The following TCF12 variants were observed in gnomAD, a reference collection of about 807,000 sequenced individuals.
TCF12 encodes the protein transcription factor 12, also known as DNA-binding protein HTF4.
In TCF12, 45 loss-of-function variants were observed where a neutral mutation model predicts 86.0. That is an observed-to-expected ratio of 0.52 (90% CI 0.41 to 0.67). TCF12 has a LOEUF of 0.67. TCF12 is among the 30% of genes least tolerant of loss of function. The probability of loss-of-function intolerance (pLI) is 0.00; values close to 1 mark genes in which losing one functional copy is unlikely to be tolerated. For missense variants in TCF12, 881 were observed against 859.9 expected (o/e 1.02, Z -0.31); for synonymous variants, 330 against 299.6 (o/e 1.10, Z -1.05).
upstream of TCF12, chr15:56,918,625 C>A (rs1225842611): frequency 1.9e-5 from 4 of 206,760 alleles, no homozygotes; most frequent in Non-Finnish European, 4.0e-5. Flanking sequence ...CTCTTCCCGG[C>A]GCGGAGGGAT....
chr15:56,920,621 C>T (rs1312165668), intron 2 of TCF12, among the ~76,000 whole-genome samples: 1 of 152,066 alleles, frequency 6.6e-6, no homozygotes, highest in Non-Finnish European at 1.5e-5. Context: ...TAGGAGGCAG[C>T]ACCTATACCT....
intron 6 of TCF12, among the ~76,000 whole-genome samples, chr15:57,180,899 C>G (rs1233240683): frequency 7.0e-6 from 1 of 143,750 alleles, no homozygotes; most frequent in Non-Finnish European, 1.5e-5. Context: ...ACTGCAAGCT[C>G]CGCCTCCCAG....
rs2059122882 is a variant in TCF12 at position 57,231,191 on chromosome 15, G to C, written c.619G>C (p.Glu207Gln). 6.2e-7 allele frequency: 1 copy of C among 1,613,142 alleles called. No individual in the cohort carries two copies. Among genetic ancestry groups the C allele is most frequent in the Admixed American group, 1.7e-5 (1 of 59,982 alleles). ...PSPNSDDFNR[E>Q]SPSYPSPKPP... is the part of the protein sequence containing the mutation. ...CCCAAATTCAGATGATTTCAACCGT[G>C]AATCTCCTAGTTATCCATCTCCTAA... Residue 207 changes from glutamate to glutamine, a missense_variant, in exon 9 of 21, where the codon GAA (glutamate) becomes CAA (glutamine). This residue lies in a region of TCF12 where 766 missense variants were observed against 718.9 expected (regional missense o/e 1.07). Coordinates refer to ENST00000333725, the MANE Select transcript of TCF12 (RefSeq NM_207037.2).
intron 5 of TCF12, among the ~76,000 whole-genome samples, chr15:57,139,262 CAT>C (rs1158578281): frequency 5.9e-5 from 9 of 152,132 alleles, no homozygotes; most frequent in Non-Finnish European, 8.8e-5. Context: ...ATTTCTTACT[CAT>C]GTGTACCACA....
chr15:57,055,278 G>T (rs901259771), intron 3 of TCF12, among the ~76,000 whole-genome samples: 1 of 151,984 alleles, frequency 6.6e-6, no homozygotes. Context: ...GGCGCACGCC[G>T]GTAATCCCAG....
intron 3 of TCF12, among the ~76,000 whole-genome samples, chr15:57,038,686 G>A (rs2066680995): frequency 6.6e-6 from 1 of 152,054 alleles, no homozygotes; most frequent in Non-Finnish European, 1.5e-5. Flanking sequence ...ACAAGCCATA[G>A]AGTTTATCTA....
In TCF12 at chr15:56,952,368, A is replaced by C. The variant is rs139351875; in HGVS notation, c.148+31270A>C. On this transcript the variant is annotated intron_variant, in intron 3 of 20. Coordinates refer to ENST00000333725, the MANE Select transcript of TCF12 (RefSeq NM_207037.2). Reference sequence around the variant, plus strand: ...TTTTTTTTTCAAAGTTATTTTGGCTATTCTAGGTCCTCTGCATTTTCATAT... The same window carrying C: ...TTTTTTTTTCAAAGTTATTTTGGCTCTTCTAGGTCCTCTGCATTTTCATAT... Among the ~76,000 whole-genome samples the C allele has an allele frequency of 9.4e-3, 1,368 of 144,920 alleles. 11 individuals carry two copies. Among genetic ancestry groups the C allele is most frequent in the Non-Finnish European group, 0.016 (1,037 of 66,326 alleles).
intron 5 of TCF12, among the ~76,000 whole-genome samples, chr15:57,152,656 C>T (rs1323948566): frequency 6.6e-6 from 1 of 150,570 alleles, no homozygotes; most frequent in South Asian, 2.1e-4. Flanking sequence ...AACTAAAACA[C>T]AAAGAGAAAA....
intron 5 of TCF12, among the ~76,000 whole-genome samples, chr15:57,140,062 A>G (rs2052845718): frequency 6.6e-6 from 1 of 152,194 alleles, no homozygotes; most frequent in African/African-American, 2.4e-5. Flanking sequence ...GTACATACCC[A>G]AAAGAATTGA....
rs1026143077 is a variant in TCF12 at position 57,141,063 on chromosome 15, G to C, written c.326-25339G>C. Among the ~76,000 whole-genome samples, 4 of 152,120 alleles carry C rather than the reference G, an allele frequency of 2.6e-5. No individual in the cohort carries two copies. In the East Asian group the frequency reaches 7.7e-4, roughly 29 times the overall value. On this transcript the variant is annotated intron_variant, in intron 5 of 20. Coordinates refer to ENST00000333725, the MANE Select transcript of TCF12 (RefSeq NM_207037.2). Reference sequence around the variant, plus strand: ...ATATAATTTTCCCACTTTGGTCCCAGATGTGTTTTGAGGATCACACCAAAC... The same window carrying C: ...ATATAATTTTCCCACTTTGGTCCCACATGTGTTTTGAGGATCACACCAAAC...
At chr15:57,066,499 T>A (rs534551311) in intron 4 of TCF12, among the ~76,000 whole-genome samples, 7 of 152,286 alleles carry the variant, frequency 4.6e-5, no homozygotes, top group Non-Finnish European at 1.0e-4. Context: ...ATTATATAAA[T>A]ATTACATTTC....
intron 3 of TCF12, among the ~76,000 whole-genome samples, chr15:56,923,545 T>A (rs1218358474): frequency 6.6e-6 from 1 of 152,142 alleles, no homozygotes; most frequent in African/African-American, 2.4e-5. Flanking sequence ...AACTTTTCTT[T>A]CTGTAGGAGT....
chr15:57,273,180 G>C lies in TCF12; in HGVS notation c.1896G>C (p.Leu632Phe), dbSNP rs1223547126. The change falls in exon 19 of 21, where the codon TTG becomes TTC. Residue 632 changes from leucine to phenylalanine, a missense_variant. Transcript: ENST00000333725. ...KELGRMCQLH[L>F]KSEKPQTKLL... ...TTGGCCGAATGTGTCAGCTTCACTTGAAGAGTGAAAAACCCCAAACAAAAC... is the reference window on the plus strand; with the variant it reads ...TTGGCCGAATGTGTCAGCTTCACTTCAAGAGTGAAAAACCCCAAACAAAAC... 1 of 1,614,062 alleles carries C rather than the reference G, an allele frequency of 6.2e-7. No individual in the cohort carries two copies. The highest frequency in any genetic ancestry group is 8.5e-7 in the Non-Finnish European group (1 of 1,180,046).
intron 6 of TCF12, among the ~76,000 whole-genome samples, chr15:57,190,371 T>C (rs1352633479): frequency 6.6e-6 from 1 of 152,202 alleles, no homozygotes; most frequent in African/African-American, 2.4e-5. Flanking sequence ...CTCCTGCTTT[T>C]TGACCAGAGC....
Position 57,081,014 on chromosome 15 carries a change from G to A in TCF12, c.223-10775G>A, listed in dbSNP as rs534608924. Among the ~76,000 whole-genome samples, 58 of 152,216 alleles carry A rather than the reference G, an allele frequency of 3.8e-4. 2 individuals are homozygous for A. In the South Asian group the frequency reaches 0.012, roughly 31 times the overall value. On this transcript the variant is annotated intron_variant, in intron 4 of 20. Coordinates refer to ENST00000333725, the MANE Select transcript of TCF12 (RefSeq NM_207037.2). ...CAGTAGATGTTCACTTAGCAGCGGAGGTTTTTCCATTTCCCATTTTGTTTG... is the reference window on the plus strand; with the variant it reads ...CAGTAGATGTTCACTTAGCAGCGGAAGTTTTTCCATTTCCCATTTTGTTTG...
intron 3 of TCF12, among the ~76,000 whole-genome samples, chr15:56,967,260 C>T (rs2062050644): frequency 6.6e-6 from 1 of 151,840 alleles, no homozygotes; most frequent in South Asian, 2.1e-4. Flanking sequence ...TTTTGACTAC[C>T]TGTGAGCCTG....
chr15:56,943,033 G>A (rs2060846972), intron 3 of TCF12, among the ~76,000 whole-genome samples: 1 of 152,194 alleles, frequency 6.6e-6, no homozygotes, highest in Non-Finnish European at 1.5e-5. Context: ...GATATTTGGT[G>A]AGAAACACAG....
chr15:57,074,018 G>T (rs947780676), intron 4 of TCF12, among the ~76,000 whole-genome samples: 1 of 152,134 alleles, frequency 6.6e-6, no homozygotes, highest in Non-Finnish European at 1.5e-5. Context: ...CCAAAGTGCT[G>T]GGATTACAGG....
At chr15:56,942,603 T>A (rs2060826675) in intron 3 of TCF12, among the ~76,000 whole-genome samples, 2 of 152,034 alleles carry the variant, frequency 1.3e-5, no homozygotes, top group Non-Finnish European at 2.9e-5. Context: ...AGCATTTGCT[T>A]AGTGCCTGAT....
Sources: gnomAD v4.1 joint callset for allele counts (sites outside exome capture counted in the v4.1 genomes callset) on GRCh38, gnomAD v4.1.1 for gene constraint, gnomAD v4.1.1 regional missense constraint, MANE v1.5 for transcripts, NCBI Gene and HGNC (gene_info 2026-07-23, HGNC 2026-07-21) for gene names.